The following CALR3 variants were observed in gnomAD, a reference collection of about 807,000 sequenced individuals.
CALR3 encodes calreticulin 3.
A neutral mutation model predicts 48.7 loss-of-function variants in CALR3; 39 were observed. The ratio of observed to expected loss-of-function variants is 0.80; its 90% CI spans 0.62 to 1.05. The LOEUF (loss-of-function observed/expected upper bound fraction) is 1.05. Among genes scored for constraint, CALR3 ranks in the 50% least tolerant of loss-of-function variants. The pLI is 0.00. For synonymous variants in CALR3, 185 were observed against 172.7 expected (o/e 1.07, Z -0.56); for missense variants, 449 against 474.7 (o/e 0.95, Z 0.50).
chr19:16,492,602 A>C (rs1165961657), intron 2 of CALR3, among the ~76,000 whole-genome samples: 1 of 151,964 alleles, frequency 6.6e-6, no homozygotes, highest in Non-Finnish European at 1.5e-5. Flanking sequence ...GCGGTGGCTC[A>C]TGCCTGTAAT....
Position 16,489,619 on chromosome 19 carries a change from C to CA in CALR3, c.397+747dup, listed in dbSNP as rs56111667. ...GGGCAACAAGAGCGAAACTCTGTCT[C>CA]AAAAAAAAAAAAAACCCATCTCTAC... On this transcript the variant is annotated intron_variant, in intron 3 of 8. Coordinates refer to ENST00000269881, the MANE Select transcript of CALR3 (RefSeq NM_145046.5). Among the ~76,000 whole-genome samples the CA allele has an allele frequency of 2.0e-3, 280 of 139,002 alleles. 1 individual carries two copies. Among genetic ancestry groups the CA allele is most frequent in the African/African-American group, 5.4e-3 (204 of 37,432 alleles). The allele number at this position is 139,002 out of a possible 152,430, so 91.2% of individuals were successfully genotyped here. A position where few individuals can be genotyped will look rare whatever the true frequency, so the allele number is the denominator to read the frequency against.
chr19:16,485,205 G>T lies in CALR3; in HGVS notation c.450C>A (p.Phe150Leu), dbSNP rs148241645. ...DIKKVHVILH[F>L]KNKYHENKKL... Reference sequence around the variant, plus strand: ...TCTTGTTTTCGTGATACTTATTCTTGAAATGTAAAATAACATGAACTTTCT... The same window carrying T: ...TCTTGTTTTCGTGATACTTATTCTTTAAATGTAAAATAACATGAACTTTCT... The change falls in exon 4 of 9, where the codon TTC becomes TTA. Residue 150 changes from phenylalanine (F) to leucine (L), a missense_variant. Transcript: ENST00000269881. 6.2e-7 allele frequency: 1 copy of T among 1,610,540 alleles called. No individual in the cohort carries two copies.
intron 3 of CALR3, among the ~76,000 whole-genome samples, chr19:16,487,466 G>A (rs188612593): frequency 6.8e-5 from 8 of 118,510 alleles, no homozygotes; most frequent in African/African-American, 2.5e-4. Flanking sequence ...GGCGACGAGC[G>A]AAGCTGTGTC....
At chr19:16,488,566 G>T (rs536778993) in intron 3 of CALR3, among the ~76,000 whole-genome samples, 1 of 146,640 alleles carries the variant, frequency 6.8e-6, no homozygotes, top group Non-Finnish European at 1.5e-5. Flanking sequence ...CACTATGCCC[G>T]GCTAATTTTT....
intron 7 of CALR3, among the ~76,000 whole-genome samples, chr19:16,480,972 A>G (rs1217214621): frequency 6.6e-6 from 1 of 152,042 alleles, no homozygotes; most frequent in Non-Finnish European, 1.5e-5. Flanking sequence ...CCTGGCCAAC[A>G]CGGTGAACCC....
intron 3 of CALR3, among the ~76,000 whole-genome samples, chr19:16,490,074 A>G (rs2093395421): frequency 6.6e-6 from 1 of 151,946 alleles, no homozygotes; most frequent in African/African-American, 2.4e-5. Flanking sequence ...AATCCAAAAC[A>G]CTCTGGTCCC....
At chr19:16,488,984 T>C (rs2093393533) in intron 3 of CALR3, among the ~76,000 whole-genome samples, 1 of 152,106 alleles carries the variant, frequency 6.6e-6, no homozygotes, top group Non-Finnish European at 1.5e-5. Context: ...ATGAACAGAG[T>C]GAGGCTGCAT....
rs571906275 is a variant in CALR3 at position 16,480,713 on chromosome 19, A to T, written c.919-7T>A. ...AAATGGTTCCAGATCTCACCTGCAG[A>T]TGAAAATAAGGCCTTCATTATTATG... On this transcript the variant is annotated splice_region_variant and splice_polypyrimidine_tract_variant and intron_variant, in intron 7 of 8. Coordinates refer to ENST00000269881, the MANE Select transcript of CALR3 (RefSeq NM_145046.5). 1 of 1,584,548 alleles carries T rather than the reference A, an allele frequency of 6.3e-7. No homozygotes were observed. The highest frequency in any genetic ancestry group is 1.3e-5 in the African/African-American group (1 of 74,508).
intron 2 of CALR3, among the ~76,000 whole-genome samples, chr19:16,492,360 G>A (rs575307549): frequency 3.3e-5 from 5 of 152,270 alleles, no homozygotes; most frequent in African/African-American, 1.2e-4. Context: ...GGAAGCTCAG[G>A]CAGCTGAACT....
intron 5 of CALR3, among the ~76,000 whole-genome samples, chr19:16,482,989 C>T (rs1318042540): frequency 1.3e-5 from 2 of 151,948 alleles, no homozygotes; most frequent in Non-Finnish European, 2.9e-5. Flanking sequence ...GGACTACAGG[C>T]GCCCGCCATC....
Position 16,479,198 on chromosome 19 carries a change from A to T in CALR3, c.1088T>A (p.Leu363Gln), listed in dbSNP as rs1406524268. ...GTGCCTGTTAATTTTTCCCGACAGC[A>T]GCTCTTCCTCCTCTTCCTCGCGGGC... ...KKAREEEEEE[L>Q]LSGKINRHEH... Residue 363 changes from leucine (L) to glutamine (Q), a missense_variant, in exon 9 of 9, where the codon CTG (leucine) becomes CAG (glutamine). Leu to Gln is a moderately radical substitution (Grantham distance 113). Transcript: ENST00000269881. The T allele has an allele frequency of 1.2e-6, 2 of 1,613,936 alleles. No individual in the cohort carries two copies. The highest frequency in any genetic ancestry group is 1.7e-6 in the Non-Finnish European group (2 of 1,180,028).
intron 2 of CALR3, among the ~76,000 whole-genome samples, chr19:16,491,249 A>C (rs555808659): frequency 5.9e-5 from 9 of 151,894 alleles, no homozygotes; most frequent in African/African-American, 2.2e-4. Context: ...CAGCCTCCCG[A>C]GTAGCTGGGA....
chr19:16,495,639 G>T, intron 2 of CALR3, 112 bp downstream of exon 2: 5 of 761,788 alleles, frequency 6.6e-6, no homozygotes, highest in Non-Finnish European at 9.2e-6. Context: ...TTGCCTTAAT[G>T]TCTTCATCTG....
At chr19:16,489,210 C>T (rs1385944643) in intron 3 of CALR3, among the ~76,000 whole-genome samples, 2 of 152,222 alleles carry the variant, frequency 1.3e-5, no homozygotes, top group Non-Finnish European at 1.5e-5. Flanking sequence ...TGAGGCCAGG[C>T]GTGGTGGCTC....
intron 8 of CALR3, 93 bp from the exon 9 acceptor site, chr19:16,479,367 C>G (rs973527634): frequency 1.4e-5 from 20 of 1,384,456 alleles, no homozygotes; most frequent in Non-Finnish European, 1.9e-5. Context: ...AGATGGATCA[C>G]GAAGTCAGGA....
chr19:16,492,645 C>A (rs2093399823), intron 2 of CALR3, among the ~76,000 whole-genome samples: 1 of 151,778 alleles, frequency 6.6e-6, no homozygotes, highest in Non-Finnish European at 1.5e-5. Context: ...GCGGGAGGAT[C>A]ACGAGGTCAG....
In CALR3 at chr19:16,484,097, G is replaced by T. The variant is rs752204583; in HGVS notation, c.511C>A (p.Leu171Met). ...IRCKVDGFTH[L>M]YTLILRPDLS... Reference sequence around the variant, plus strand: ...TCTGGTCTTAAAATTAGAGTGTACAGGTGTGTGAAGCCATCAACCTGCATA... The same window carrying T: ...TCTGGTCTTAAAATTAGAGTGTACATGTGTGTGAAGCCATCAACCTGCATA... Residue 171 changes from leucine (L) to methionine (M), a missense_variant, in exon 5 of 9, where the codon CTG (leucine) becomes ATG (methionine). Leu to Met is a conservative substitution (Grantham distance 15, BLOSUM62 2). Coordinates refer to ENST00000269881, the MANE Select transcript of CALR3 (RefSeq NM_145046.5). The T allele has an allele frequency of 6.2e-7, 1 of 1,613,854 alleles. No homozygotes were observed. Among genetic ancestry groups the T allele is most frequent in the Non-Finnish European group, 8.5e-7 (1 of 1,179,976 alleles).
intron 2 of CALR3, among the ~76,000 whole-genome samples, chr19:16,492,070 C>T (rs1360056092): frequency 6.6e-6 from 1 of 151,820 alleles, no homozygotes; most frequent in Non-Finnish European, 1.5e-5. Flanking sequence ...CTCAAGTGAT[C>T]CACTCACCTT....
chr19:16,492,729 G>A (rs997920766), intron 2 of CALR3, among the ~76,000 whole-genome samples: 10 of 151,950 alleles, frequency 6.6e-5, no homozygotes, highest in African/African-American at 2.2e-4. Flanking sequence ...AAAATTAGCC[G>A]GGCGTGGTGG....
Sources: gnomAD v4.1 joint callset for allele counts (sites outside exome capture counted in the v4.1 genomes callset) on GRCh38, gnomAD v4.1.1 for gene constraint, MANE v1.5 for transcripts, NCBI Gene and HGNC (gene_info 2026-07-23, HGNC 2026-07-21) for gene names.